Variants in RNF4 observed in about 807,000 individuals in gnomAD.
RNF4 encodes the protein E3 ubiquitin-protein ligase RNF4.
A neutral mutation model predicts 24.3 loss-of-function variants in RNF4; 7 were observed. That is an observed-to-expected ratio of 0.29 (90% CI 0.16 to 0.54). The LOEUF is 0.54. Among genes scored for constraint, RNF4 ranks in the 20% least tolerant of loss-of-function variants. RNF4 has a pLI of 0.95. For missense variants in RNF4, 209 were observed against 248.5 expected, an observed-to-expected ratio of 0.84 and a Z score of 1.07; for synonymous variants, 83 against 84.3, an observed-to-expected ratio of 0.98 and a Z score of 0.09.
chr4:2,474,124 C>A (rs568495719), intron 1 of RNF4, among the ~76,000 whole-genome samples: 1 of 151,776 alleles, frequency 6.6e-6, no homozygotes, highest in South Asian at 2.1e-4. Flanking sequence ...ACCTGTAATC[C>A]CAGCACTTTG....
At position 2,500,670 on chromosome 4, in the gene RNF4, A is replaced by G; in HGVS notation, c.136A>G (p.Ile46Val). ...ACTTTCTTTTGAAGCTGGAGATGAA[A>G]TTGTGGACCTCACTTGTGAATCTTT... ...IELVETAGDE[I>V]VDLTCESLEP... The change falls in exon 4 of 8, where the codon ATT (isoleucine) becomes GTT (valine). Residue 46 changes from isoleucine to valine, a missense_variant. Physicochemically the swap from Ile to Val is conservative, Grantham distance 29. This residue lies in a region of RNF4 where 182 missense variants were observed against 197.2 expected (regional missense o/e 0.92). Transcript: ENST00000314289. 1 of 1,613,832 alleles carries G rather than the reference A, an allele frequency of 6.2e-7. No homozygotes were observed. The highest frequency in any genetic ancestry group is 8.5e-7 in the Non-Finnish European group (1 of 1,179,788).
At chr4:2,492,584 T>C (rs1308074319) in intron 2 of RNF4, among the ~76,000 whole-genome samples, 1 of 152,226 alleles carries the variant, frequency 6.6e-6, no homozygotes, top group East Asian at 1.9e-4. Flanking sequence ...CCAGAAGTAC[T>C]GTGAATGGTA....
Position 2,499,495 on chromosome 4 carries a change from C to T in RNF4, c.125-1164C>T, listed in dbSNP as rs143056788. The T allele has an allele frequency of 4.2e-3, 1,257 of 300,094 alleles. 20 individuals carry two copies. Among genetic ancestry groups the T allele is most frequent in the African/African-American group, 0.026 (1,130 of 43,322 alleles). 18.6% of individuals were successfully genotyped at this position (300,094 alleles called of 1,614,324 possible). ...TTCTCCATGTTGGTCAGGCTGGTCT[C>T]GAACTCTCAACCTCAGGTGATCCGC... On this transcript the variant is annotated intron_variant, in intron 3 of 7. Coordinates refer to ENST00000314289, the MANE Select transcript of RNF4 (RefSeq NM_002938.5).
chr4:2,469,965 T>G (rs953567374), intron 1 of RNF4: 1 of 152,432 alleles, frequency 6.6e-6, no homozygotes, highest in Admixed American at 6.5e-5. Context: ...GAAACAGAGT[T>G]GCTAGTAAAC....
chr4:2,480,127 G>A (rs1264173674), intron 1 of RNF4: 1 of 151,514 alleles, frequency 6.6e-6, no homozygotes, highest in African/African-American at 2.4e-5. Flanking sequence ...TTAATATTTT[G>A]TAGAGAAGGA....
chr4:2,497,289 T>G, intron 3 of RNF4, 168 bp downstream of exon 3: 9 of 533,800 alleles, frequency 1.7e-5, no homozygotes, highest in Middle Eastern at 3.6e-4. Context: ...GCTTCTCAAC[T>G]GGGCTAACTG....
chr4:2,481,810 C>T lies in RNF4; in HGVS notation c.-157-8527C>T, dbSNP rs545066639. On this transcript the variant is annotated intron_variant, in intron 1 of 7. Transcript: ENST00000314289. ...GCAGCTTCAACCTCCCAGTCTCAAG[C>T]GAGCCTCCCACCTCAGCCTCCCAAG... 3.3e-4 allele frequency among the ~76,000 whole-genome samples: 50 copies of T among 152,264 alleles called. No homozygotes were observed. The South Asian group carries it at 9.5e-3, about 29-fold the overall frequency.
At chr4:2,484,037 G>A (rs1435561484) in intron 1 of RNF4, among the ~76,000 whole-genome samples, 2 of 106,174 alleles carry the variant, frequency 1.9e-5, no homozygotes, top group African/African-American at 7.4e-5. Context: ...ATATTGTTCA[G>A]GCTGGTCTCG....
At chr4:2,486,707 G>A (rs1014593672) in intron 1 of RNF4, among the ~76,000 whole-genome samples, 6 of 152,190 alleles carry the variant, frequency 3.9e-5, no homozygotes, top group African/African-American at 1.2e-4. Flanking sequence ...TTCAGCAGCC[G>A]TATTTGGAAG....
chr4:2,496,959 C>A, intron 2 of RNF4, 48 bp from the exon 3 acceptor site: 1 of 1,409,326 alleles, frequency 7.1e-7, no homozygotes. Context: ...TCCTGAAACC[C>A]TGACATTCTG....
At chr4:2,498,727 C>G (rs1299560403) in intron 3 of RNF4, among the ~76,000 whole-genome samples, 1 of 152,110 alleles carries the variant, frequency 6.6e-6, no homozygotes, top group Non-Finnish European at 1.5e-5. Context: ...AGTACCAGAC[C>G]AGCCTGGACA....
intron 1 of RNF4, among the ~76,000 whole-genome samples, chr4:2,476,009 A>G (rs1000397143): frequency 6.6e-6 from 1 of 152,180 alleles, no homozygotes. Context: ...ACAAAATAGT[A>G]TCTTTATTTT....
Position 2,512,718 on chromosome 4 carries a change from A to G in RNF4, c.374+121A>G. The G allele has an allele frequency of 8.7e-7, 1 of 1,155,312 alleles. No homozygotes were observed. Among genetic ancestry groups the G allele is most frequent in the Non-Finnish European group, 1.2e-6 (1 of 828,298 alleles). 71.6% of individuals were successfully genotyped at this position (1,155,312 alleles called of 1,614,324 possible). On this transcript the variant is annotated intron_variant, in intron 6 of 7. Transcript: ENST00000314289. This position sits in a 1 kb window ranked among gnomAD's most constrained non-coding sequence, Gnocchi z 4.1. ...GAAGGGCTTGCCCAAGCCTCTACCC[A>G]GCATCTGGATACAGTTGGAACTGGG...
intron 1 of RNF4, among the ~76,000 whole-genome samples, chr4:2,482,591 G>A (rs112734303): frequency 6.6e-6 from 1 of 152,352 alleles, no homozygotes; most frequent in African/African-American, 2.4e-5. Context: ...TGATAGATGT[G>A]AAAGCCCTTT....
intron 4 of RNF4, among the ~76,000 whole-genome samples, chr4:2,503,799 G>A (rs1334806755): frequency 2.0e-5 from 3 of 152,192 alleles, no homozygotes; most frequent in East Asian, 1.9e-4. Context: ...CATTCTGGAA[G>A]CGGGGTAACC....
chr4:2,485,818 G>A (rs1448739621), intron 1 of RNF4, among the ~76,000 whole-genome samples: 2 of 152,138 alleles, frequency 1.3e-5, no homozygotes, highest in African/African-American at 4.8e-5. Flanking sequence ...CCTTGTCCTC[G>A]TAGCGCTTAC....
intron 1 of RNF4, chr4:2,490,053 G>A (rs945264159): frequency 6.7e-5 from 11 of 163,594 alleles, no homozygotes; most frequent in South Asian, 6.7e-4. Context: ...GTCCTGACTC[G>A]CACCTCCTCC....
chr4:2,482,496 T>TGG (rs1735273746), intron 1 of RNF4, among the ~76,000 whole-genome samples: 3 of 152,006 alleles, frequency 2.0e-5, no homozygotes, highest in African/African-American at 7.3e-5. Flanking sequence ...GATCCTTAGG[T>TGG]TTCCTTCATT....
chr4:2,490,820 A>G (rs1735557912), intron 2 of RNF4: 1 of 243,266 alleles, frequency 4.1e-6, no homozygotes, highest in Non-Finnish European at 8.1e-6. Context: ...AATTGTTTGT[A>G]GACTGGGCAT....
Sources: allele counts gnomAD v4.1 joint callset (sites outside exome capture counted in the v4.1 genomes callset), GRCh38; gene constraint gnomAD v4.1.1; regional missense constraint gnomAD v4.1.1; non-coding constraint Gnocchi (gnomAD v3.1); transcripts MANE v1.5; gene names NCBI Gene and HGNC (gene_info 2026-07-23, HGNC 2026-07-21).